Variants in MAGI2 observed in about 807,000 individuals in gnomAD.
MAGI2 encodes the protein membrane associated guanylate kinase, WW and PDZ domain containing 2, also known as membrane-associated guanylate kinase, WW and PDZ domain-containing protein 2.
Under a neutral mutation model 133.3 loss-of-function variants are expected in MAGI2, and 35 were observed. The observed-to-expected ratio is 0.26, with a 90% CI of 0.20 to 0.35. The LOEUF (loss-of-function observed/expected upper bound fraction) is 0.35. Ranked by LOEUF, MAGI2 falls within the 10% of genes least tolerant of loss-of-function variation. MAGI2 has a pLI of 1.00. For missense variants in MAGI2, 1,636 were observed against 1,863.4 expected, an observed-to-expected ratio of 0.88 and a Z score of 2.25; for synonymous variants, 729 against 710.6, an observed-to-expected ratio of 1.03 and a Z score of -0.41.
At chr7:79,012,951 T>C (rs572324580) in intron 1 of MAGI2, among the ~76,000 whole-genome samples, 41 of 152,254 alleles carry the variant, frequency 2.7e-4, no homozygotes, top group African/African-American at 9.6e-4. Context: ...AGGGTACCAA[T>C]CCCATTCATG....
At chr7:79,278,332 T>C (rs1835389672) in intron 1 of MAGI2, among the ~76,000 whole-genome samples, 1 of 152,182 alleles carries the variant, frequency 6.6e-6, no homozygotes, top group South Asian at 2.1e-4. Context: ...CTGTACAGCT[T>C]GCAGAGCTGT....
At chr7:78,464,584 G>T (rs73150327) in intron 6 of MAGI2, among the ~76,000 whole-genome samples, 5,980 of 152,058 alleles carry the variant, frequency 0.039, 189 homozygotes, top group Non-Finnish European at 0.055. Context: ...CAAGGGAACA[G>T]AAAAATTAAT....
chr7:79,317,037 T>TTTTTTC (rs1838788537), intron 1 of MAGI2, among the ~76,000 whole-genome samples: 1 of 140,336 alleles, frequency 7.1e-6, no homozygotes, highest in Non-Finnish European at 1.5e-5. Context: ...TTTTTTTTTT[T>TTTTTTC]TTGAGGCAGA....
chr7:78,802,613 C>T (rs1340114773), intron 2 of MAGI2, among the ~76,000 whole-genome samples: 2 of 152,026 alleles, frequency 1.3e-5, no homozygotes, highest in Non-Finnish European at 1.5e-5. Flanking sequence ...TATAGTACTA[C>T]TATATAATGG....
chr7:79,365,867 C>A (rs868597906), intron 1 of MAGI2, among the ~76,000 whole-genome samples: 365 of 48,856 alleles, frequency 7.5e-3, no homozygotes, highest in South Asian at 0.012. Context: ...ACTCTTGTCT[C>A]AAAAAAAAAA....
intron 2 of MAGI2, among the ~76,000 whole-genome samples, chr7:78,766,885 T>G (rs369029046): frequency 2.0e-4 from 30 of 152,338 alleles, no homozygotes; most frequent in African/African-American, 6.5e-4. Flanking sequence ...CTGTTGACTT[T>G]GTGTATTTTA....
chr7:78,041,133 C>T (rs183857927), intron 21 of MAGI2, among the ~76,000 whole-genome samples: 2 of 152,354 alleles, frequency 1.3e-5, no homozygotes, highest in Admixed American at 1.3e-4. Context: ...AAATCCACCA[C>T]TCATTCCAGC....
At chr7:79,252,247 A>T (rs1833359067) in intron 1 of MAGI2, among the ~76,000 whole-genome samples, 1 of 152,144 alleles carries the variant, frequency 6.6e-6, no homozygotes, top group Non-Finnish European at 1.5e-5. Flanking sequence ...AGCCATAAAA[A>T]GTAATGAGAT....
intron 9 of MAGI2, among the ~76,000 whole-genome samples, chr7:78,272,698 C>T (rs558203454): frequency 6.6e-6 from 1 of 152,154 alleles, no homozygotes; most frequent in South Asian, 2.1e-4. Context: ...TATGTAATGC[C>T]CTTCTTTGTC....
At chr7:78,646,990 T>TGGTG (rs1251156424) in intron 2 of MAGI2, among the ~76,000 whole-genome samples, 1 of 152,214 alleles carries the variant, frequency 6.6e-6, no homozygotes, top group Admixed American at 6.5e-5. Context: ...ATAACCGCCT[T>TGGTG]GGTGGGTGGG....
chr7:78,758,906 G>A (rs1427402341), intron 2 of MAGI2, among the ~76,000 whole-genome samples: 5 of 152,160 alleles, frequency 3.3e-5, no homozygotes, highest in African/African-American at 1.2e-4. Flanking sequence ...TACTCTGGTA[G>A]TTAATCTGTC....
Position 78,844,310 on chromosome 7 carries a change from C to A in MAGI2, c.418+162780G>T, listed in dbSNP as rs187014108. 1.3e-4 allele frequency among the ~76,000 whole-genome samples: 20 copies of A among 151,666 alleles called. No homozygotes were observed. The East Asian group carries it at 3.7e-3, about 28-fold the overall frequency. On this transcript the variant is annotated intron_variant, in intron 2 of 21. Coordinates refer to ENST00000354212, the MANE Select transcript of MAGI2 (RefSeq NM_012301.4). ...CCATCTATCCACTCCTAGGTATATA[C>A]CCAAGAAAAATAAAAACATATGTCC...
chr7:79,341,390 TG>T (rs1375044657), intron 1 of MAGI2, among the ~76,000 whole-genome samples: 2 of 150,198 alleles, frequency 1.3e-5, no homozygotes, highest in Non-Finnish European at 2.9e-5. Context: ...AATAACGAGT[TG>T]TGTTTATTTA....
At chr7:78,832,856 C>T (rs926466219) in intron 2 of MAGI2, among the ~76,000 whole-genome samples, 1 of 152,162 alleles carries the variant, frequency 6.6e-6, no homozygotes, top group African/African-American at 2.4e-5. Flanking sequence ...GGGGGTTTCA[C>T]ATCACCAAGA....
chr7:79,446,626 C>T (rs773286343), intron 1 of MAGI2, among the ~76,000 whole-genome samples: 3 of 152,106 alleles, frequency 2.0e-5, no homozygotes, highest in Non-Finnish European at 4.4e-5. Context: ...ATATAAATCA[C>T]CCACTCATTA....
intron 1 of MAGI2, among the ~76,000 whole-genome samples, chr7:79,440,470 C>G (rs1446356233): frequency 6.6e-6 from 1 of 151,928 alleles, no homozygotes; most frequent in Non-Finnish European, 1.5e-5. Flanking sequence ...TTCTTGAGCC[C>G]TACCAGAGCA....
At chr7:78,243,224 T>TACACACACACACACACAC (rs539437959) in intron 10 of MAGI2, among the ~76,000 whole-genome samples, 1 of 140,720 alleles carries the variant, frequency 7.1e-6, no homozygotes, top group East Asian at 2.1e-4. Flanking sequence ...ATGGTTCAGA[T>TACACACACACACACACAC]ACACACACAC....
intron 6 of MAGI2, among the ~76,000 whole-genome samples, chr7:78,420,236 G>T (rs1798675516): frequency 6.6e-6 from 1 of 152,122 alleles, no homozygotes; most frequent in Non-Finnish European, 1.5e-5. Context: ...TCTTCAGAGG[G>T]CTTAACAGTG....
intron 2 of MAGI2, among the ~76,000 whole-genome samples, chr7:78,894,166 C>T (rs896208509): frequency 1.3e-5 from 2 of 152,174 alleles, no homozygotes; most frequent in African/African-American, 4.8e-5. Context: ...CTTTGTGAGG[C>T]CGAGGCAGGC....
Sources: allele counts gnomAD v4.1 joint callset (sites outside exome capture counted in the v4.1 genomes callset), GRCh38; gene constraint gnomAD v4.1.1; transcripts MANE v1.5; gene names NCBI Gene and HGNC (gene_info 2026-07-23, HGNC 2026-07-21).